MAP3K20: variants seen among roughly 807,000 people sequenced by gnomAD.
The protein encoded by MAP3K20 is mitogen-activated protein kinase kinase kinase 20.
In MAP3K20, 40 loss-of-function variants were observed where a neutral mutation model predicts 85.7. The ratio of observed to expected loss-of-function variants is 0.47; its 90% confidence interval spans 0.36 to 0.61. The LOEUF (loss-of-function observed/expected upper bound fraction) is 0.61. Ranked by LOEUF, MAP3K20 falls within the 20% of genes least tolerant of loss-of-function variation. The pLI is 0.00. For missense variants in MAP3K20, 817 were observed against 961.7 expected (o/e 0.85, Z 1.99); for synonymous variants, 325 against 327.7 (o/e 0.99, Z 0.09).
chr2:173,148,158 C>T (rs1017057948), intron 2 of MAP3K20, among the ~76,000 whole-genome samples: 5 of 152,296 alleles, frequency 3.3e-5, no homozygotes, highest in African/African-American at 7.2e-5. Flanking sequence ...CTACCCAACT[C>T]TCTGCCCCTT....
chr2:173,256,934 T>C lies in MAP3K20; in HGVS notation c.1360-1765T>C, dbSNP rs181013820. 1.1e-3 allele frequency among the ~76,000 whole-genome samples: 174 copies of C among 152,258 alleles called. 2 individuals carry two copies. The highest frequency in any genetic ancestry group is 3.9e-3 in the African/African-American group (164 of 41,546). The stretch of plus-strand genomic sequence containing the variant: ...TGGGAGGCTGAAGTGGGAGGATCAC[T>C]TGAGCCCAGGAATTTGAGACCAGCT... On this transcript the variant is annotated intron_variant, in intron 16 of 19. Transcript: ENST00000375213.
At chr2:173,229,498 T>C (rs1684470584) in intron 11 of MAP3K20, among the ~76,000 whole-genome samples, 191 bp from the exon 12 acceptor site, 1 of 152,170 alleles carries the variant, frequency 6.6e-6, no homozygotes, top group South Asian at 2.1e-4. Context: ...ACTGAGAGAT[T>C]GGTGAACATT....
chr2:173,265,804 G>A (rs1277776385), intron 19 of MAP3K20, among the ~76,000 whole-genome samples: 2 of 152,192 alleles, frequency 1.3e-5, no homozygotes, highest in South Asian at 2.1e-4. Context: ...AGGATTAAAT[G>A]AGATAGTGTA....
intron 3 of MAP3K20, among the ~76,000 whole-genome samples, chr2:173,182,319 T>TA (rs1484007570): frequency 6.6e-6 from 1 of 152,208 alleles, no homozygotes; most frequent in Non-Finnish European, 1.5e-5. Flanking sequence ...TTTATGAACT[T>TA]ACTAAAAATC....
intron 10 of MAP3K20, chr2:173,214,494 G>A (rs559689682): frequency 3.3e-5 from 5 of 152,172 alleles, no homozygotes; most frequent in Admixed American, 1.3e-4. Context: ...CATGACGTGC[G>A]TTCTTAAAAA....
At position 173,230,046 on chromosome 2, in the gene MAP3K20, G is replaced by T. The variant is rs140093035; in HGVS notation, c.1032+313G>T. Among the ~76,000 whole-genome samples, 3 of 152,168 alleles carry T rather than the reference G, an allele frequency of 2.0e-5. No homozygotes were observed. The East Asian group carries it at 5.8e-4, about 29-fold the overall frequency. ...GGCGTTTCACCATGTTGGCCAGGCT[G>T]GTCTCGAACTCCTGACCTCAAGTGA... On this transcript the variant is annotated intron_variant, in intron 12 of 19. Transcript: ENST00000375213.
chr2:173,076,880 A>G (rs1317650539), intron 1 of MAP3K20, among the ~76,000 whole-genome samples: 1 of 152,246 alleles, frequency 6.6e-6, no homozygotes, highest in Non-Finnish European at 1.5e-5. Flanking sequence ...CAGCTTTCAG[A>G]AAACTTTAAT....
At chr2:173,170,388 T>C (rs1304853931) in intron 3 of MAP3K20, among the ~76,000 whole-genome samples, 1 of 152,198 alleles carries the variant, frequency 6.6e-6, no homozygotes, top group Non-Finnish European at 1.5e-5. Flanking sequence ...ATCACATAAT[T>C]TGGAGCAGCA....
At chr2:173,169,217 T>G (rs953347470) in intron 2 of MAP3K20, among the ~76,000 whole-genome samples, 1 of 152,188 alleles carries the variant, frequency 6.6e-6, no homozygotes, top group Non-Finnish European at 1.5e-5. Flanking sequence ...GGACCTTCAC[T>G]GTAAATAAAT....
intron 1 of MAP3K20, among the ~76,000 whole-genome samples, chr2:173,082,017 T>A (rs1312007139): frequency 1.3e-5 from 2 of 149,580 alleles, no homozygotes; most frequent in Non-Finnish European, 2.9e-5. Flanking sequence ...AAACCAGGAA[T>A]CCTTTGTTTT....
chr2:173,132,838 G>C (rs1688656601), intron 2 of MAP3K20, among the ~76,000 whole-genome samples: 1 of 152,154 alleles, frequency 6.6e-6, no homozygotes, highest in African/African-American at 2.4e-5. Flanking sequence ...AGCTTGTTAA[G>C]GGAATTAAAA....
intron 2 of MAP3K20, among the ~76,000 whole-genome samples, chr2:173,146,048 C>G (rs1689126861): frequency 6.6e-6 from 1 of 152,024 alleles, no homozygotes; most frequent in South Asian, 2.1e-4. Context: ...AGAACAGAGC[C>G]CATGAGGGTT....
intron 2 of MAP3K20, among the ~76,000 whole-genome samples, chr2:173,111,317 A>G (rs767313124): frequency 2.6e-5 from 4 of 151,794 alleles, no homozygotes; most frequent in Admixed American, 6.6e-5. Context: ...TAGATTCTGG[A>G]TATTAGTCCT....
At position 173,205,115 on chromosome 2, in the gene MAP3K20, A is replaced by T. The variant is rs13401454; in HGVS notation, c.744+1245A>T. 2.2e-3 allele frequency among the ~76,000 whole-genome samples: 303 copies of T among 140,406 alleles called. 11 individuals are homozygous for T. The highest frequency in any genetic ancestry group is 7.0e-3 in the African/African-American group (253 of 36,374). 92.1% of individuals were successfully genotyped at this position (140,406 alleles called of 152,430 possible). The stretch of plus-strand genomic sequence containing the variant: ...GAGACTCTGTCTCAAAAAAAAAAAA[A>T]AAAAAAATAAATAAATAAAATAAAA... On this transcript the variant is annotated intron_variant, in intron 9 of 19. Coordinates refer to ENST00000375213, the MANE Select transcript of MAP3K20 (RefSeq NM_016653.3).
chr2:173,141,918 G>A (rs1688986881), intron 2 of MAP3K20, among the ~76,000 whole-genome samples: 1 of 152,166 alleles, frequency 6.6e-6, no homozygotes, highest in Non-Finnish European at 1.5e-5. Flanking sequence ...GGAATGACCT[G>A]TAATATGCCA....
intron 9 of MAP3K20, 54 bp downstream of exon 9, chr2:173,203,924 G>A: frequency 1.0e-5 from 16 of 1,539,184 alleles, no homozygotes; most frequent in Non-Finnish European, 1.4e-5. Flanking sequence ...CTCTTGTTTG[G>A]CTTTCAGTTT....
chr2:173,081,403 G>A (rs775510354), intron 1 of MAP3K20, among the ~76,000 whole-genome samples: 55 of 152,062 alleles, frequency 3.6e-4, no homozygotes, highest in Non-Finnish European at 7.3e-4. Flanking sequence ...ACAGTACTGT[G>A]TAATACCACG....
chr2:173,221,979 G>A (rs1416776787), intron 11 of MAP3K20: 20 of 984,994 alleles, frequency 2.0e-5, no homozygotes, highest in Non-Finnish European at 2.3e-5. Flanking sequence ...TTTTCTTATA[G>A]CAATACACTG....
chr2:173,136,774 A>G (rs562244096), intron 2 of MAP3K20, among the ~76,000 whole-genome samples: 7 of 152,350 alleles, frequency 4.6e-5, no homozygotes, highest in African/African-American at 1.7e-4. Context: ...GAAATCTCTC[A>G]GAATAGCTCT....
Sources: allele counts gnomAD v4.1 joint callset (sites outside exome capture counted in the v4.1 genomes callset), GRCh38; gene constraint gnomAD v4.1.1; transcripts MANE v1.5; gene names NCBI Gene and HGNC (gene_info 2026-07-23, HGNC 2026-07-21).